PLD1: variants seen among roughly 807,000 people sequenced by gnomAD.
PLD1 encodes the protein choline phosphatase 1.
In PLD1, 112 loss-of-function variants were observed where a neutral mutation model predicts 137.1. That is an observed-to-expected ratio of 0.82 (90% CI 0.70 to 0.96). The LOEUF is 0.96. PLD1 is among the 40% of genes least tolerant of loss of function. The pLI is 0.00. For synonymous variants in PLD1, 431 were observed against 454.7 expected (o/e 0.95, Z 0.66); for missense variants, 1,321 against 1,342.0 (o/e 0.98, Z 0.24).
intron 12 of PLD1, among the ~76,000 whole-genome samples, chr3:171,694,804 G>C (rs1715534723): frequency 6.6e-6 from 1 of 152,028 alleles, no homozygotes; most frequent in Non-Finnish European, 1.5e-5. Context: ...TGAAATAATA[G>C]AGATATTAAC....
At chr3:171,616,135 A>G (rs973359441) in intron 24 of PLD1, among the ~76,000 whole-genome samples, 1 of 152,154 alleles carries the variant, frequency 6.6e-6, no homozygotes, top group Non-Finnish European at 1.5e-5. Context: ...AAGTTCCTAT[A>G]CAATTTCTTT....
At chr3:171,675,840 G>A (rs1044734284) in intron 18 of PLD1, among the ~76,000 whole-genome samples, 1 of 136,988 alleles carries the variant, frequency 7.3e-6, no homozygotes, top group Non-Finnish European at 1.5e-5. Flanking sequence ...ACCTGAATAT[G>A]TACTTTTTTT....
intron 1 of PLD1, among the ~76,000 whole-genome samples, chr3:171,763,289 G>A (rs79266983): frequency 0.12 from 18,810 of 151,340 alleles, 1,306 homozygotes; most frequent in South Asian, 0.22. Flanking sequence ...AGGCATGGTG[G>A]CTCACACTTG....
At chr3:171,732,141 G>C (rs1718993434) in intron 6 of PLD1, among the ~76,000 whole-genome samples, 1 of 152,158 alleles carries the variant, frequency 6.6e-6, no homozygotes, top group African/African-American at 2.4e-5. Context: ...GTCTGTTAAA[G>C]AAAATAGCAT....
At chr3:171,740,433 A>G (rs1000156267) in intron 1 of PLD1, among the ~76,000 whole-genome samples, 3 of 152,248 alleles carry the variant, frequency 2.0e-5, no homozygotes, top group Non-Finnish European at 2.9e-5. Context: ...AAAACAGATA[A>G]GAAATTACAT....
intron 23 of PLD1, among the ~76,000 whole-genome samples, chr3:171,624,358 G>A (rs889980259): frequency 1.3e-5 from 2 of 152,018 alleles, no homozygotes; most frequent in Admixed American, 1.3e-4. Context: ...AAAATAAAAA[G>A]TACGACAACA....
chr3:171,786,950 C>A (rs892822849), intron 1 of PLD1, among the ~76,000 whole-genome samples: 1 of 152,174 alleles, frequency 6.6e-6, no homozygotes, highest in Non-Finnish European at 1.5e-5. Flanking sequence ...GGTAAGTTAT[C>A]ACTGCTTTAA....
intron 23 of PLD1, among the ~76,000 whole-genome samples, chr3:171,620,742 C>CTCTCTCTATATATATA (rs1473647659): frequency 1.1e-5 from 1 of 94,794 alleles, no homozygotes. Context: ...CTCTCTCTCT[C>CTCTCTCTATATATATA]TATATATATA....
intron 24 of PLD1, among the ~76,000 whole-genome samples, chr3:171,619,400 T>C (rs575440602): frequency 4.5e-4 from 69 of 152,324 alleles, no homozygotes; most frequent in African/African-American, 1.6e-3. Context: ...GTAACTCTCC[T>C]GAATTTGTCA....
chr3:171,607,800 G>C (rs1171156842), intron 25 of PLD1, among the ~76,000 whole-genome samples: 1 of 152,112 alleles, frequency 6.6e-6, no homozygotes. Flanking sequence ...GCAAAGTTTG[G>C]ATAATTTTCT....
chr3:171,692,481 T>G, intron 12 of PLD1, 39 bp from the exon 13 acceptor site: 1 of 916,196 alleles, frequency 1.1e-6, no homozygotes, highest in Non-Finnish European at 1.8e-6. Context: ...TGAGTATCTC[T>G]GGAGGGAAGT....
chr3:171,765,472 T>C (rs1426345554), intron 1 of PLD1: 4 of 152,164 alleles, frequency 2.6e-5, no homozygotes, highest in African/African-American at 9.7e-5. Context: ...TTCTGAATGG[T>C]GTTAGCTTTG....
At chr3:171,645,475 C>G (rs1736125187) in intron 21 of PLD1, among the ~76,000 whole-genome samples, 1 of 152,068 alleles carries the variant, frequency 6.6e-6, no homozygotes, top group African/African-American at 2.4e-5. Flanking sequence ...TAGCCTAGAT[C>G]GCAGGGGCAA....
intron 11 of PLD1, 21 bp from the exon 12 acceptor site, chr3:171,699,847 T>C: frequency 6.3e-7 from 1 of 1,587,482 alleles, no homozygotes; most frequent in South Asian, 1.1e-5. Context: ...GAAACCAAGA[T>C]TTTAAGTAAC....
At chr3:171,639,279 C>T (rs1339044861) in intron 23 of PLD1, among the ~76,000 whole-genome samples, 3 of 133,952 alleles carry the variant, frequency 2.2e-5, no homozygotes, top group East Asian at 2.1e-4. Context: ...ATAAATATAT[C>T]ATATATTATC....
chr3:171,713,258 G>A (rs1366507431), intron 9 of PLD1, among the ~76,000 whole-genome samples: 7 of 152,156 alleles, frequency 4.6e-5, no homozygotes, highest in African/African-American at 1.7e-4. Context: ...TCAGGAGTTC[G>A]AGACCAGCCT....
At chr3:171,679,228 C>A (rs1416646937) in intron 16 of PLD1, among the ~76,000 whole-genome samples, 3 of 152,222 alleles carry the variant, frequency 2.0e-5, no homozygotes, top group African/African-American at 7.2e-5. Context: ...TCACCACACA[C>A]AATGCTAATA....
chr3:171,756,539 G>A (rs914451248), intron 1 of PLD1, among the ~76,000 whole-genome samples: 3 of 152,238 alleles, frequency 2.0e-5, no homozygotes, highest in East Asian at 1.9e-4. Context: ...GTGTGTCGAC[G>A]GTGAGGTTCG....
intron 21 of PLD1, among the ~76,000 whole-genome samples, chr3:171,649,269 C>T (rs7647033): frequency 2.5e-4 from 38 of 152,246 alleles, no homozygotes; most frequent in African/African-American, 8.4e-4. Flanking sequence ...AGCTCCATAA[C>T]AAGCCCTTTG....
Sources: allele counts gnomAD v4.1 joint callset (sites outside exome capture counted in the v4.1 genomes callset), GRCh38; gene constraint gnomAD v4.1.1; transcripts MANE v1.5; gene names NCBI Gene and HGNC (gene_info 2026-07-23, HGNC 2026-07-21).